The following MGAM variants were observed in gnomAD, a reference collection of about 807,000 sequenced individuals.
MGAM encodes the protein maltase-glucoamylase.
Under a neutral mutation model 358.8 loss-of-function variants are expected in MGAM, and 253 were observed. The observed-to-expected ratio is 0.71, with a 90% CI of 0.64 to 0.78. The LOEUF is 0.78. Ranked by LOEUF, MGAM falls within the 30% of genes least tolerant of loss-of-function variation. The pLI is 0.00. For missense variants in MGAM, 3,080 were observed against 3,432.6 expected, an observed-to-expected ratio of 0.90 and a Z score of 2.57; for synonymous variants, 1,105 against 1,227.1, an observed-to-expected ratio of 0.90 and a Z score of 2.08.
intron 18 of MGAM, 134 bp from the exon 19 acceptor site, chr7:142,038,397 T>C (rs1808190534): frequency 1.6e-6 from 1 of 639,806 alleles, no homozygotes; most frequent in South Asian, 1.9e-5. Context: ...CTTGAGTAGG[T>C]GTCACAGAAT....
intron 40 of MGAM, 73 bp from the exon 41 acceptor site, chr7:142,066,500 G>C (rs1178398417): frequency 6.8e-7 from 1 of 1,472,740 alleles, no homozygotes; most frequent in African/African-American, 1.4e-5. Flanking sequence ...ATTGGAGTAT[G>C]CTTTTAGTGA....
chr7:142,036,303 T>TA lies in MGAM; in HGVS notation c.2076+19dup, dbSNP rs782398214. ...GCTACAAGGTAAGGCTCCTAGGACA[T>TA]AGAGTCAGAATAAATTTGGCATACA... On this transcript the variant is annotated intron_variant, in intron 17 of 70. Coordinates refer to ENST00000475668, the MANE Select transcript of MGAM (RefSeq NM_001365693.1). 6.4e-7 allele frequency: 1 copy of TA among 1,562,120 alleles called. No homozygotes were observed. Among genetic ancestry groups the TA allele is most frequent in the Non-Finnish European group, 8.7e-7 (1 of 1,144,470 alleles).
chr7:141,989,087 T>A (rs1244632682), intron 2 of MGAM, among the ~76,000 whole-genome samples: 1 of 136,314 alleles, frequency 7.3e-6, no homozygotes, highest in Non-Finnish European at 1.6e-5. Context: ...TGCTTGTGAG[T>A]GTGTGTGTGT....
At chr7:142,090,056 C>T (rs907191292) in intron 57 of MGAM, among the ~76,000 whole-genome samples, 2 of 145,596 alleles carry the variant, frequency 1.4e-5, no homozygotes, top group Non-Finnish European at 3.1e-5. Context: ...ATGCAATGTG[C>T]CACAAAAAGA....
rs1336141420 is a variant in MGAM at position 142,053,125 on chromosome 7, A to C, written c.3159+141A>C. On this transcript the variant is annotated intron_variant, in intron 26 of 70. Transcript: ENST00000475668. ...ATTATCCAGAGAGCATTGAGAAATC[A>C]TTGAGGGAACAATGAGACCTGCCCT... 4.0e-6 allele frequency: 4 copies of C among 1,003,718 alleles called. No homozygotes were observed. In the Admixed American group the frequency reaches 1.1e-4, roughly 27 times the overall value. The allele number at this position is 1,003,718 out of a possible 1,614,324, so 62.2% of individuals were successfully genotyped here.
rs1386919533 is a variant in MGAM, at chr7:142,090,637, G to A, written c.6811-1276G>A. ...CCTACCTGCCTTTTGTCTATTGTGT[G>A]TAAGAACTGGAGTTCCCCAGACCAA... On this transcript the variant is annotated intron_variant, in intron 57 of 70. Coordinates refer to ENST00000475668, the MANE Select transcript of MGAM (RefSeq NM_001365693.1). Among the ~76,000 whole-genome samples, 56 of 145,812 alleles carry A rather than the reference G, an allele frequency of 3.8e-4. 3 individuals carry two copies. The highest frequency in any genetic ancestry group is 1.2e-3 in the African/African-American group (51 of 41,126).
At chr7:142,056,988 C>G in intron 30 of MGAM, 46 bp downstream of exon 30, 1 of 1,576,322 alleles carries the variant, frequency 6.3e-7, no homozygotes. Flanking sequence ...ACAGCACATT[C>G]TGGGTGCCAG....
chr7:142,065,256 A>G (rs1187012283), intron 37 of MGAM, 79 bp from the exon 38 acceptor site: 7 of 1,547,978 alleles, frequency 4.5e-6, no homozygotes, highest in Non-Finnish European at 5.2e-6. Flanking sequence ...ACTAGGCTCA[A>G]GGGCTCTGGG....
chr7:142,035,850 A>C (rs549379967), intron 16 of MGAM, among the ~76,000 whole-genome samples: 5 of 152,310 alleles, frequency 3.3e-5, no homozygotes, highest in African/African-American at 1.2e-4. Context: ...TATCAGCAGT[A>C]TTACTAGGTA....
chr7:142,057,388 G>A (rs561587238), intron 30 of MGAM, among the ~76,000 whole-genome samples: 57 of 151,306 alleles, frequency 3.8e-4, no homozygotes, highest in Non-Finnish European at 7.5e-4. Context: ...TGGGGCTGAC[G>A]ATGGTGTTTG....
chr7:142,050,105 T>C, intron 22 of MGAM, 130 bp from the exon 23 acceptor site: 1 of 784,294 alleles, frequency 1.3e-6, no homozygotes, highest in Non-Finnish European at 2.2e-6. Context: ...AATTGAAAAT[T>C]ATTCATCCAT....
At chr7:142,074,257 T>A in intron 45 of MGAM, 84 bp downstream of exon 45, 1 of 1,015,024 alleles carries the variant, frequency 9.9e-7, no homozygotes, top group Non-Finnish European at 1.5e-6. Flanking sequence ...CATTCAGCTG[T>A]GGGAGAAATC....
chr7:142,047,430 A>T (rs952174066), intron 21 of MGAM, among the ~76,000 whole-genome samples: 5 of 152,308 alleles, frequency 3.3e-5, no homozygotes, highest in Middle Eastern at 3.4e-3. Flanking sequence ...CATCATTGCT[A>T]AAGTGATATA....
At chr7:142,095,947 T>G in intron 64 of MGAM, 1 of 716,188 alleles carries the variant, frequency 1.4e-6, no homozygotes, top group Non-Finnish European at 2.2e-6. Context: ...ATAGAATAAT[T>G]TCTTTCTAAT....
intron 5 of MGAM, 106 bp from the exon 6 acceptor site, chr7:142,021,480 T>C: frequency 9.0e-7 from 1 of 1,106,542 alleles, no homozygotes; most frequent in Non-Finnish European, 1.3e-6. Context: ...ACCTAAGATA[T>C]GAGGTCAGTT....
rs983131654 is a variant in MGAM at position 142,062,923 on chromosome 7, G to C, written c.4257+221G>C. On this transcript the variant is annotated intron_variant, in intron 35 of 70. Transcript: ENST00000475668. ...TGTAAAACCTGTGAGGCGGGACCAGGCGTGGTGGTTCACGCCTGTAATCCC... is the reference window on the plus strand; with the variant it reads ...TGTAAAACCTGTGAGGCGGGACCAGCCGTGGTGGTTCACGCCTGTAATCCC... 5.0e-4 allele frequency among the ~76,000 whole-genome samples: 76 copies of C among 152,320 alleles called. 1 individual carries two copies. Among genetic ancestry groups the C allele is most frequent in the African/African-American group, 1.8e-3 (74 of 41,582 alleles).
At position 142,049,580 on chromosome 7, in the gene MGAM, G is replaced by A. The variant is rs562232651; in HGVS notation, c.2588-655G>A. Among the ~76,000 whole-genome samples, 5 of 152,202 alleles carry A rather than the reference G, an allele frequency of 3.3e-5. No individual in the cohort carries two copies. The South Asian group carries it at 1.0e-3, about 32-fold the overall frequency. ...AGAAGAGATTAATATAAAAAAATAA[G>A]GAACTCATGCAACTCAGTAGCAAAA... On this transcript the variant is annotated intron_variant, in intron 22 of 70. Transcript: ENST00000475668.
upstream of MGAM, among the ~76,000 whole-genome samples, chr7:141,995,370 G>A (rs1804151930): frequency 6.6e-6 from 1 of 152,180 alleles, no homozygotes; most frequent in Non-Finnish European, 1.5e-5. Flanking sequence ...TCACCAGACT[G>A]TTAAAGGATT....
At chr7:142,083,246 G>T in intron 52 of MGAM, 55 bp from the exon 53 acceptor site, 3 of 1,308,184 alleles carry the variant, frequency 2.3e-6, no homozygotes, top group East Asian at 4.9e-5. Flanking sequence ...GATTTCAGGG[G>T]TGATTCATGA....
Sources: allele counts gnomAD v4.1 joint callset (sites outside exome capture counted in the v4.1 genomes callset), GRCh38; gene constraint gnomAD v4.1.1; transcripts MANE v1.5; gene names NCBI Gene and HGNC (gene_info 2026-07-23, HGNC 2026-07-21).